GNAQ: variants seen among roughly 807,000 people sequenced by gnomAD.
GNAQ encodes the protein guanine nucleotide-binding protein G(q) subunit alpha.
Under a neutral mutation model 43.9 loss-of-function variants are expected in GNAQ, and 8 were observed. The ratio of observed to expected loss-of-function variants is 0.18; its 90% CI spans 0.11 to 0.33. GNAQ has a LOEUF of 0.33. Ranked by LOEUF, GNAQ falls within the 10% of genes least tolerant of loss-of-function variation. The pLI, the probability that GNAQ is intolerant of heterozygous loss-of-function variation, is 1.00. For missense variants in GNAQ, 158 were observed against 450.8 expected (o/e 0.35, Z 5.88); for synonymous variants, 155 against 170.7 (o/e 0.91, Z 0.71).
At chr9:77,985,036 C>A (rs957507525) in intron 1 of GNAQ, among the ~76,000 whole-genome samples, 1 of 152,090 alleles carries the variant, frequency 6.6e-6, no homozygotes, top group African/African-American at 2.4e-5. Flanking sequence ...GTGGGCCAGG[C>A]GCGGTGACTC....
chr9:77,933,852 C>G (rs748588363), intron 1 of GNAQ, among the ~76,000 whole-genome samples: 3 of 152,054 alleles, frequency 2.0e-5, no homozygotes, highest in Non-Finnish European at 4.4e-5. Context: ...ACACGCAATC[C>G]AGATTATTAG....
intron 1 of GNAQ, among the ~76,000 whole-genome samples, chr9:77,931,434 T>TA (rs1260611021): frequency 6.6e-6 from 1 of 151,642 alleles, no homozygotes; most frequent in Non-Finnish European, 1.5e-5. Context: ...CTACCAAAAA[T>TA]ACAAAAATTA....
intron 1 of GNAQ, among the ~76,000 whole-genome samples, chr9:77,992,227 G>A (rs776779611): frequency 7.9e-5 from 12 of 152,046 alleles, no homozygotes; most frequent in African/African-American, 2.7e-4. Context: ...CTCTCTCTTC[G>A]CATTTTTCTG....
chr9:77,861,283 T>A (rs1827846207), intron 2 of GNAQ, among the ~76,000 whole-genome samples: 1 of 152,162 alleles, frequency 6.6e-6, no homozygotes, highest in African/African-American at 2.4e-5. Context: ...TCCGGCCAGG[T>A]CCTTCCCACA....
intron 1 of GNAQ, among the ~76,000 whole-genome samples, chr9:77,965,724 T>C (rs1001385847): frequency 6.6e-6 from 1 of 151,892 alleles, no homozygotes; most frequent in Non-Finnish European, 1.5e-5. Context: ...GGAACTCTCA[T>C]ACACTGCACA....
chr9:77,802,925 A>T (rs1018946065), intron 3 of GNAQ, among the ~76,000 whole-genome samples: 2 of 151,780 alleles, frequency 1.3e-5, no homozygotes, highest in Non-Finnish European at 2.9e-5. Flanking sequence ...TTAATTTATA[A>T]TTTTTTTTAA....
chr9:78,020,514 T>C (rs1198915002), intron 1 of GNAQ, among the ~76,000 whole-genome samples: 2 of 152,124 alleles, frequency 1.3e-5, no homozygotes. Context: ...TACTTGCTCA[T>C]CTCCCAACCC....
intron 1 of GNAQ, among the ~76,000 whole-genome samples, chr9:77,989,592 C>T (rs1000417923): frequency 6.6e-6 from 1 of 152,230 alleles, no homozygotes; most frequent in Non-Finnish European, 1.5e-5. Flanking sequence ...CTGCATATGG[C>T]TGTGGAGCTG....
intron 1 of GNAQ, among the ~76,000 whole-genome samples, chr9:77,980,835 T>C (rs1021969814): frequency 1.3e-5 from 2 of 152,216 alleles, no homozygotes; most frequent in African/African-American, 4.8e-5. Context: ...CATAGAAACA[T>C]GATGTCACTA....
chr9:77,761,150 TCCGG>T (rs1826005590), intron 5 of GNAQ, among the ~76,000 whole-genome samples: 2 of 136,782 alleles, frequency 1.5e-5, no homozygotes, highest in Middle Eastern at 4.4e-3. Flanking sequence ...AGCCGCCCCG[TCCGG>T]GAGGGAGGTG....
At chr9:77,907,457 A>C (rs1366897818) in intron 2 of GNAQ, among the ~76,000 whole-genome samples, 1 of 152,228 alleles carries the variant, frequency 6.6e-6, no homozygotes, top group African/African-American at 2.4e-5. Flanking sequence ...ACATTAAAGA[A>C]CTAAATAATT....
intron 1 of GNAQ, among the ~76,000 whole-genome samples, chr9:77,924,585 G>A (rs1829041642): frequency 6.6e-6 from 1 of 152,110 alleles, no homozygotes; most frequent in African/African-American, 2.4e-5. Flanking sequence ...AGTATATGAA[G>A]TATAAGCACA....
At chr9:77,887,313 A>G (rs1587387957) in intron 2 of GNAQ, among the ~76,000 whole-genome samples, 1 of 152,236 alleles carries the variant, frequency 6.6e-6, no homozygotes, top group Admixed American at 6.5e-5. Context: ...CTCATTTTCT[A>G]TACTTCAGGG....
chr9:77,827,874 A>G (rs114697085), intron 2 of GNAQ, among the ~76,000 whole-genome samples: 1,629 of 151,728 alleles, frequency 0.011, 29 homozygotes, highest in African/African-American at 0.031. Context: ...GGCAGGAGAA[A>G]GAAAACAAAC....
At chr9:77,830,966 C>A (rs1827288924) in intron 2 of GNAQ, among the ~76,000 whole-genome samples, 1 of 152,132 alleles carries the variant, frequency 6.6e-6, no homozygotes, top group African/African-American at 2.4e-5. Context: ...CAACATCTTT[C>A]AGTTAGTTTG....
intron 2 of GNAQ, among the ~76,000 whole-genome samples, chr9:77,864,697 G>GT (rs1827920321): frequency 6.6e-6 from 1 of 152,188 alleles, no homozygotes; most frequent in African/African-American, 2.4e-5. Context: ...GTTTTGACCA[G>GT]TAAGACCAGT....
chr9:77,839,543 C>T (rs1827448647), intron 2 of GNAQ, among the ~76,000 whole-genome samples: 2 of 152,220 alleles, frequency 1.3e-5, no homozygotes. Context: ...AGGTAACGTT[C>T]TGCATTCCAG....
chr9:77,894,446 G>C (rs1828467140), intron 2 of GNAQ, among the ~76,000 whole-genome samples: 1 of 20,584 alleles, frequency 4.9e-5, no homozygotes, highest in Non-Finnish European at 1.2e-4. Flanking sequence ...ATTTTTTGGA[G>C]ACAGTCTCAC....
At chr9:77,970,194 T>C (rs940655327) in intron 1 of GNAQ, among the ~76,000 whole-genome samples, 1 of 150,634 alleles carries the variant, frequency 6.6e-6, no homozygotes, top group African/African-American at 2.5e-5. Flanking sequence ...CACTCCAGCC[T>C]AGGCAACAGA....
Sources: gnomAD v4.1 joint callset for allele counts (sites outside exome capture counted in the v4.1 genomes callset) on GRCh38, gnomAD v4.1.1 for gene constraint, MANE v1.5 for transcripts, NCBI Gene and HGNC (gene_info 2026-07-23, HGNC 2026-07-21) for gene names.